Variants in HTR7 observed in about 807,000 individuals in gnomAD.
HTR7 encodes the protein 5-HT-7.
HTR7 carries 16 observed loss-of-function variants against 34.0 expected under a neutral mutation model. That is an observed-to-expected ratio of 0.47 (90% CI 0.32 to 0.71). The LOEUF (loss-of-function observed/expected upper bound fraction) is 0.71, where lower values mean the gene tolerates loss of function less well. HTR7 is among the 30% of genes least tolerant of loss of function. The pLI, the probability that HTR7 is intolerant of heterozygous loss-of-function variation, is 0.04. For synonymous variants in HTR7, 265 were observed against 260.2 expected (o/e 1.02, Z -0.18); for missense variants, 504 against 625.5 (o/e 0.81, Z 2.07).
At position 90,749,957 on chromosome 10, in the gene HTR7, T is replaced by C. The variant is rs1363717068; in HGVS notation, c.540-363A>G. ...ACAACATATCAACTCTGATGTAGGA[T>C]GTTGTGACACATTCTCAAAACTTAA... On this transcript the variant is annotated intron_variant, in intron 1 of 3. Transcript: ENST00000336152. This position sits in a 1 kb window ranked among gnomAD's most constrained non-coding sequence, Gnocchi z 4.2. Among the ~76,000 whole-genome samples, 1 of 152,224 alleles carries C rather than the reference T, an allele frequency of 6.6e-6. No individual in the cohort carries two copies. The highest frequency in any genetic ancestry group is 2.4e-5 in the African/African-American group (1 of 41,458).
At chr10:90,844,099 A>T (rs1408235895) in intron 1 of HTR7, among the ~76,000 whole-genome samples, 1 of 152,220 alleles carries the variant, frequency 6.6e-6, no homozygotes, top group Non-Finnish European at 1.5e-5. Flanking sequence ...ACAGAAAAAA[A>T]GTGTTTGCCA....
At chr10:90,844,803 T>C (rs1260892041) in intron 1 of HTR7, among the ~76,000 whole-genome samples, 2 of 137,556 alleles carry the variant, frequency 1.5e-5, no homozygotes, top group Non-Finnish European at 3.0e-5. Context: ...TGGCTGCACA[T>C]TGGGATCATC....
At chr10:90,750,974 G>A (rs772767523) in intron 1 of HTR7, among the ~76,000 whole-genome samples, 6 of 152,136 alleles carry the variant, frequency 3.9e-5, no homozygotes, top group African/African-American at 4.8e-5. Flanking sequence ...AAAATCCTGC[G>A]TGCAGGCAAA....
intron 1 of HTR7, among the ~76,000 whole-genome samples, chr10:90,803,854 G>C (rs1202296264): frequency 1.3e-5 from 2 of 152,190 alleles, no homozygotes; most frequent in African/African-American, 4.8e-5. Context: ...GGAGAGGGCA[G>C]AGTCCCTGGC....
intron 1 of HTR7, among the ~76,000 whole-genome samples, chr10:90,782,861 T>C (rs572276328): frequency 4.7e-4 from 72 of 152,358 alleles, no homozygotes; most frequent in Non-Finnish European, 6.8e-4. Flanking sequence ...GCTCATACCA[T>C]TGATTCCATC....
intron 1 of HTR7, among the ~76,000 whole-genome samples, chr10:90,835,507 T>G (rs931344954): frequency 6.6e-6 from 1 of 152,182 alleles, no homozygotes; most frequent in African/African-American, 2.4e-5. Context: ...TCTTTCATAT[T>G]CCTCTGCCTA....
At chr10:90,769,794 G>A (rs1219240219) in intron 1 of HTR7, among the ~76,000 whole-genome samples, 1 of 152,150 alleles carries the variant, frequency 6.6e-6, no homozygotes, top group Non-Finnish European at 1.5e-5. Context: ...AAAACCAGTT[G>A]CCAAAATAAC....
At chr10:90,779,632 T>C (rs1430079298) in intron 1 of HTR7, among the ~76,000 whole-genome samples, 1 of 152,212 alleles carries the variant, frequency 6.6e-6, no homozygotes, top group African/African-American at 2.4e-5. Flanking sequence ...TACCTCTCTG[T>C]GTCAAGATAC....
chr10:90,751,809 C>CT (rs1157175402), intron 1 of HTR7, among the ~76,000 whole-genome samples: 1 of 152,212 alleles, frequency 6.6e-6, no homozygotes, highest in African/African-American at 2.4e-5. Flanking sequence ...TTTCTTCACA[C>CT]TTTCCTTACT....
At chr10:90,773,031 T>G (rs1845143617) in intron 1 of HTR7, among the ~76,000 whole-genome samples, 1 of 152,224 alleles carries the variant, frequency 6.6e-6, no homozygotes, top group Admixed American at 6.5e-5. Context: ...ATTTACAAAG[T>G]ATATCCATAC....
At chr10:90,776,901 A>T (rs1845222290) in intron 1 of HTR7, among the ~76,000 whole-genome samples, 1 of 152,208 alleles carries the variant, frequency 6.6e-6, no homozygotes, top group Admixed American at 6.5e-5. Context: ...AAGGAAAGAA[A>T]ATCTAATTAA....
intron 1 of HTR7, among the ~76,000 whole-genome samples, chr10:90,850,779 T>C (rs1038570771): frequency 3.3e-5 from 5 of 152,158 alleles, no homozygotes; most frequent in African/African-American, 1.2e-4. Flanking sequence ...AGATTAGACA[T>C]AGTAGAAGAG....
Position 90,857,517 on chromosome 10 carries a change from A to T in HTR7, c.155T>A (p.Val52Glu). ...GSWAPHLLSE[V>E]TASPAPTWDA... ...CCAGGTGGGCGCCGGGCTGGCTGTC[A>T]CCTCGCTCAGCAGGTGCGGCGCCCA... The change falls in exon 1 of 4, where the codon GTG becomes GAG. Residue 52 changes from valine to glutamate, a missense_variant. Physicochemically the swap from Val to Glu is moderately radical, Grantham distance 121. Coordinates refer to ENST00000336152, the MANE Select transcript of HTR7 (RefSeq NM_019859.4). This position sits in a 1 kb window ranked among gnomAD's most constrained non-coding sequence, Gnocchi z 6.5. 1.2e-6 allele frequency: 2 copies of T among 1,610,710 alleles called. No homozygotes were observed. The highest frequency in any genetic ancestry group is 1.7e-6 in the Non-Finnish European group (2 of 1,179,112).
At chr10:90,794,163 A>AACACAC (rs1845500738) in intron 1 of HTR7, among the ~76,000 whole-genome samples, 1 of 151,962 alleles carries the variant, frequency 6.6e-6, no homozygotes, top group Admixed American at 6.6e-5. Context: ...AACAGACACA[A>AACACAC]ACACACACAT....
intron 1 of HTR7, among the ~76,000 whole-genome samples, chr10:90,771,489 G>A (rs541908069): frequency 1.3e-5 from 2 of 152,340 alleles, no homozygotes; most frequent in East Asian, 3.9e-4. Context: ...AGCCAGGGCT[G>A]TGACTCCCTC....
At chr10:90,763,646 GTGT>G (rs1844973898) in intron 1 of HTR7, among the ~76,000 whole-genome samples, 1 of 152,096 alleles carries the variant, frequency 6.6e-6, no homozygotes, top group Admixed American at 6.5e-5. Flanking sequence ...GCTCCAGTGT[GTGT>G]TGTTCCCTTC....
At chr10:90,796,387 A>T (rs1845538385) in intron 1 of HTR7, among the ~76,000 whole-genome samples, 1 of 152,372 alleles carries the variant, frequency 6.6e-6, no homozygotes, top group Middle Eastern at 3.4e-3. Context: ...AAATAACAAA[A>T]GGTTGAAAAG....
intron 1 of HTR7, among the ~76,000 whole-genome samples, chr10:90,787,345 G>T (rs146557083): frequency 6.6e-6 from 1 of 152,066 alleles, no homozygotes; most frequent in East Asian, 1.9e-4. Flanking sequence ...AAAATTAGCT[G>T]TGTGTGGTGG....
intron 1 of HTR7, among the ~76,000 whole-genome samples, chr10:90,820,574 G>C (rs1455604395): frequency 1.3e-5 from 2 of 152,172 alleles, no homozygotes; most frequent in Non-Finnish European, 2.9e-5. Flanking sequence ...ACAGGAAGAA[G>C]ATCCCAAGCA....
Sources: allele counts gnomAD v4.1 joint callset (sites outside exome capture counted in the v4.1 genomes callset), GRCh38; gene constraint gnomAD v4.1.1; non-coding constraint Gnocchi (gnomAD v3.1); transcripts MANE v1.5; gene names NCBI Gene and HGNC (gene_info 2026-07-23, HGNC 2026-07-21).